MARK1: variants seen among roughly 807,000 people sequenced by gnomAD.
MARK1 encodes the protein serine/threonine-protein kinase MARK1.
Under a neutral mutation model 96.3 loss-of-function variants are expected in MARK1, and 40 were observed. The observed-to-expected ratio is 0.42, with a 90% CI of 0.32 to 0.54. The LOEUF (loss-of-function observed/expected upper bound fraction) is 0.54, where lower values mean the gene tolerates loss of function less well. Ranked by LOEUF, MARK1 falls within the 20% of genes least tolerant of loss-of-function variation. MARK1 has a pLI of 0.16. For missense variants in MARK1, 719 were observed against 984.6 expected, an observed-to-expected ratio of 0.73 and a Z score of 3.61; for synonymous variants, 317 against 341.2, an observed-to-expected ratio of 0.93 and a Z score of 0.78.
In MARK1 at chr1:220,637,016, T is replaced by A. The variant is rs73105479; in HGVS notation, c.1470+990T>A. ...TTAAAGTATTGAAAGAAAAGCTCAT[T>A]GAGCCCAGAAATCTTATCTAGCCAT... On this transcript the variant is annotated intron_variant, in intron 13 of 17. Transcript: ENST00000366917. Among the ~76,000 whole-genome samples, 251 of 152,270 alleles carry A rather than the reference T, an allele frequency of 1.6e-3. 2 individuals are homozygous for A. Among genetic ancestry groups the A allele is most frequent in the African/African-American group, 5.5e-3 (228 of 41,556 alleles).
At chr1:220,643,500 A>G (rs1370206179) in intron 13 of MARK1, among the ~76,000 whole-genome samples, 1 of 152,152 alleles carries the variant, frequency 6.6e-6, no homozygotes, top group Non-Finnish European at 1.5e-5. Flanking sequence ...TGGAAAACAC[A>G]CTTCAGGATA....
chr1:220,598,197 T>G (rs548388373), intron 3 of MARK1, 134 bp from the exon 4 acceptor site: 2 of 360,370 alleles, frequency 5.5e-6, no homozygotes, highest in Admixed American at 7.6e-5. Flanking sequence ...TGAGAAAATA[T>G]CTTGTTTCAA....
chr1:220,626,127 C>T (rs559395914), intron 9 of MARK1: 34 of 616,770 alleles, frequency 5.5e-5, no homozygotes, highest in African/African-American at 1.1e-4. Context: ...AGATAGACAT[C>T]GCTGTGAATT....
rs1182517751 is a variant in MARK1, at chr1:220,662,470, A to G, written c.*304A>G. 3 of 235,304 alleles carry G rather than the reference A, an allele frequency of 1.3e-5. No homozygotes were observed. The highest frequency in any genetic ancestry group is 2.5e-5 in the Non-Finnish European group (3 of 120,430). The allele number at this position is 235,304 out of a possible 1,614,324, so 14.6% of individuals were successfully genotyped here. ...TGCTTAAAAACTTGTATAGTTGTCT[A>G]GATTTCTGCACCTGAATGTATGTTT... On this transcript the variant is annotated 3_prime_UTR_variant, in exon 18 of 18. Transcript: ENST00000366917.
At chr1:220,560,202 C>T (rs1263983143) in intron 1 of MARK1, among the ~76,000 whole-genome samples, 1 of 152,128 alleles carries the variant, frequency 6.6e-6, no homozygotes, top group South Asian at 2.1e-4. Flanking sequence ...TATCTCCCAC[C>T]AGGTCCTTCC....
intron 11 of MARK1, among the ~76,000 whole-genome samples, chr1:220,634,911 G>A (rs1469394743): frequency 2.0e-5 from 3 of 152,068 alleles, no homozygotes; most frequent in Non-Finnish European, 4.4e-5. Context: ...GTATATACAT[G>A]TGTGTATATT....
chr1:220,651,943 C>T (rs768004066), intron 14 of MARK1, 43 bp from the exon 15 acceptor site: 5 of 1,442,656 alleles, frequency 3.5e-6, no homozygotes, highest in African/African-American at 1.4e-5. Flanking sequence ...CACAAATTTT[C>T]CTCTTTTTTT....
At chr1:220,646,553 C>G (rs1415833145) in intron 13 of MARK1, among the ~76,000 whole-genome samples, 1 of 152,096 alleles carries the variant, frequency 6.6e-6, no homozygotes, top group Non-Finnish European at 1.5e-5. Flanking sequence ...TAGAAAAAAA[C>G]TATTTTAAAA....
intron 6 of MARK1, among the ~76,000 whole-genome samples, chr1:220,611,814 C>T (rs1188645336): frequency 1.3e-5 from 2 of 152,098 alleles, no homozygotes; most frequent in East Asian, 1.9e-4. Flanking sequence ...CTCGCTGCAA[C>T]CTCCGCCTCC....
chr1:220,542,379 T>C lies in MARK1; in HGVS notation c.51+13506T>C, dbSNP rs889221165. ...AATTCTCATTCACTATGGTTGTTTC[T>C]TATTGAATTGCTGGTATTTGATGGT... On this transcript the variant is annotated intron_variant, in intron 1 of 17. Transcript: ENST00000366917. 3.0e-4 allele frequency among the ~76,000 whole-genome samples: 45 copies of C among 152,240 alleles called. 1 individual carries two copies. The highest frequency in any genetic ancestry group is 1.0e-4 in the Non-Finnish European group (7 of 68,044).
intron 6 of MARK1, among the ~76,000 whole-genome samples, chr1:220,609,321 T>C (rs1666286110): frequency 6.6e-6 from 1 of 152,236 alleles, no homozygotes; most frequent in South Asian, 2.1e-4. Flanking sequence ...GCCTTCTTTG[T>C]CTCTTTTGAT....
Position 220,662,359 on chromosome 1 carries a change from T to TA in MARK1, c.*193_*194insA. 1 of 553,660 alleles carries TA rather than the reference T, an allele frequency of 1.8e-6. No individual in the cohort carries two copies. The highest frequency in any genetic ancestry group is 3.2e-6 in the Non-Finnish European group (1 of 312,128). 34.3% of individuals were successfully genotyped at this position (553,660 alleles called of 1,614,324 possible). ...ATGAACTATAATAAATATCTGTAGCTTAAAAAGTAGGTTCACATGTACAGG... is the reference window on the plus strand; with the variant it reads ...ATGAACTATAATAAATATCTGTAGCTATAAAAAGTAGGTTCACATGTACAGG... On this transcript the variant is annotated 3_prime_UTR_variant, in exon 18 of 18. Coordinates refer to ENST00000366917, the MANE Select transcript of MARK1 (RefSeq NM_018650.5).
At chr1:220,542,686 T>A (rs1661226675) in intron 1 of MARK1, among the ~76,000 whole-genome samples, 1 of 152,202 alleles carries the variant, frequency 6.6e-6, no homozygotes, top group South Asian at 2.1e-4. Context: ...AACTTTTAGC[T>A]GTTGTTTGTT....
At chr1:220,565,794 G>C (rs1306073219) in intron 1 of MARK1, among the ~76,000 whole-genome samples, 1 of 152,112 alleles carries the variant, frequency 6.6e-6, no homozygotes, top group African/African-American at 2.4e-5. Context: ...TATTGGTAAG[G>C]CTGGACAGTC....
chr1:220,646,379 A>G (rs1299401936), intron 13 of MARK1, among the ~76,000 whole-genome samples: 2 of 152,182 alleles, frequency 1.3e-5, no homozygotes, highest in Admixed American at 6.5e-5. Flanking sequence ...TTCAAGGAGA[A>G]CTACAACCAC....
At chr1:220,543,058 C>A (rs1031299881) in intron 1 of MARK1, among the ~76,000 whole-genome samples, 1 of 152,078 alleles carries the variant, frequency 6.6e-6, no homozygotes, top group Non-Finnish European at 1.5e-5. Context: ...TCATTTGTTA[C>A]AATTGTTAGA....
chr1:220,551,307 T>A (rs568765445), intron 1 of MARK1, among the ~76,000 whole-genome samples: 1 of 152,354 alleles, frequency 6.6e-6, no homozygotes, highest in East Asian at 1.9e-4. Flanking sequence ...AAATGGTTAC[T>A]GTTTTCATTT....
At chr1:220,657,654 C>T in intron 16 of MARK1, 136 bp from the exon 17 acceptor site, 1 of 559,082 alleles carries the variant, frequency 1.8e-6, no homozygotes, top group Non-Finnish European at 3.1e-6. Flanking sequence ...GAAATAGTCT[C>T]AGACTGACTA....
chr1:220,643,344 T>G (rs1302183336), intron 13 of MARK1, among the ~76,000 whole-genome samples: 1 of 152,092 alleles, frequency 6.6e-6, no homozygotes, highest in Non-Finnish European at 1.5e-5. Context: ...ACTATCAGTT[T>G]GAAGACTGTC....
Sources: gnomAD v4.1 joint callset for allele counts (sites outside exome capture counted in the v4.1 genomes callset) on GRCh38, gnomAD v4.1.1 for gene constraint, MANE v1.5 for transcripts, NCBI Gene and HGNC (gene_info 2026-07-23, HGNC 2026-07-21) for gene names.